Variants in ZZZ3 observed in about 807,000 individuals in gnomAD.
ZZZ3 encodes the protein ZZ-type zinc finger-containing protein 3.
In ZZZ3, 22 loss-of-function variants were observed where a neutral mutation model predicts 95.2. The observed-to-expected ratio is 0.23, with a 90% CI of 0.17 to 0.33. The LOEUF (loss-of-function observed/expected upper bound fraction) is 0.33. Ranked by LOEUF, ZZZ3 falls within the 10% of genes least tolerant of loss-of-function variation. The pLI is 1.00. For missense variants in ZZZ3, 885 were observed against 1,066.5 expected (o/e 0.83, Z 2.37); for synonymous variants, 335 against 358.9 (o/e 0.93, Z 0.75).
chr1:77,613,761 G>A (rs1666038194), intron 5 of ZZZ3, among the ~76,000 whole-genome samples: 1 of 151,986 alleles, frequency 6.6e-6, no homozygotes, highest in South Asian at 2.1e-4. Flanking sequence ...ATTCCTACCT[G>A]ATAAACTAAA....
intron 1 of ZZZ3, among the ~76,000 whole-genome samples, chr1:77,662,467 G>A (rs1343522975): frequency 2.0e-5 from 3 of 151,934 alleles, no homozygotes; most frequent in Admixed American, 6.6e-5. Context: ...TAAACATGAA[G>A]CAAAAAAACT....
intron 1 of ZZZ3, among the ~76,000 whole-genome samples, chr1:77,669,882 T>C (rs557273634): frequency 6.6e-6 from 1 of 152,082 alleles, no homozygotes; most frequent in East Asian, 1.9e-4. Flanking sequence ...TGTAATAGGC[T>C]GAAGGTGGGA....
Position 77,566,075 on chromosome 1 carries a change from A to G in ZZZ3, c.2567+6T>C. On this transcript the variant is annotated splice_donor_region_variant and intron_variant, in intron 14 of 14. Coordinates refer to ENST00000370801, the MANE Select transcript of ZZZ3 (RefSeq NM_015534.6). ...GTTGAAGACTGACAATGAAGAAAAC[A>G]CTTACCAGTCTGAACAAGAATCACA... 6.2e-7 allele frequency: 1 copy of G among 1,606,116 alleles called. No homozygotes were observed. Among genetic ancestry groups the G allele is most frequent in the Non-Finnish European group, 8.5e-7 (1 of 1,174,724 alleles).
At chr1:77,614,131 T>A (rs901470618) in intron 5 of ZZZ3, among the ~76,000 whole-genome samples, 1 of 152,208 alleles carries the variant, frequency 6.6e-6, no homozygotes, top group Non-Finnish European at 1.5e-5. Context: ...ATATGCTTTT[T>A]AAACATATGC....
chr1:77,683,262 C>A (rs1352493133), upstream of ZZZ3: 1 of 150,826 alleles, frequency 6.6e-6, no homozygotes, highest in Admixed American at 6.6e-5. Flanking sequence ...TCTTGCTCAC[C>A]TTTCACGCGG....
chr1:77,624,617 A>G (rs991598410), intron 5 of ZZZ3, among the ~76,000 whole-genome samples: 4 of 152,140 alleles, frequency 2.6e-5, no homozygotes, highest in East Asian at 1.9e-4. Context: ...CCGTACATAC[A>G]TATCTCTTCA....
chr1:77,588,273 T>C (rs1055099695), intron 5 of ZZZ3, among the ~76,000 whole-genome samples: 1 of 152,144 alleles, frequency 6.6e-6, no homozygotes, highest in African/African-American at 2.4e-5. Context: ...AGTACCAACA[T>C]TCTTAATTTT....
chr1:77,572,810 TTTC>T (rs1322457379), intron 12 of ZZZ3, among the ~76,000 whole-genome samples: 2 of 151,562 alleles, frequency 1.3e-5, no homozygotes, highest in African/African-American at 4.9e-5. Flanking sequence ...CTGATAATTT[TTTC>T]TTTTTTCTTT....
intron 5 of ZZZ3, among the ~76,000 whole-genome samples, chr1:77,592,031 G>C (rs559370572): frequency 2.8e-4 from 42 of 152,090 alleles, no homozygotes; most frequent in African/African-American, 9.6e-4. Flanking sequence ...TCCCCATTAA[G>C]CTGGGACCCT....
At chr1:77,670,418 G>A (rs985086960) in intron 1 of ZZZ3, among the ~76,000 whole-genome samples, 5 of 152,000 alleles carry the variant, frequency 3.3e-5, no homozygotes, top group African/African-American at 4.8e-5. Context: ...ACTCCAGCAT[G>A]CCTGGCTAAT....
intron 5 of ZZZ3, among the ~76,000 whole-genome samples, chr1:77,623,546 T>C (rs1406489000): frequency 6.6e-6 from 1 of 152,098 alleles, no homozygotes; most frequent in Non-Finnish European, 1.5e-5. Flanking sequence ...AACCGAGATC[T>C]AGAGAACAGG....
chr1:77,602,675 G>A lies in ZZZ3; in HGVS notation c.1506-18020C>T, dbSNP rs558454088. On this transcript the variant is annotated intron_variant, in intron 5 of 14. Coordinates refer to ENST00000370801, the MANE Select transcript of ZZZ3 (RefSeq NM_015534.6). ...GGCTGAAGTGCAATGGCGTGATCAG[G>A]GCTCACTGCAACATCTGCCTCCTGG... 4.8e-4 allele frequency among the ~76,000 whole-genome samples: 70 copies of A among 144,416 alleles called. 1 individual carries two copies. The highest frequency in any genetic ancestry group is 1.7e-3 in the African/African-American group (69 of 39,652). 94.7% of individuals were successfully genotyped at this position (144,416 alleles called of 152,430 possible).
intron 1 of ZZZ3, among the ~76,000 whole-genome samples, chr1:77,655,371 C>T (rs1670177008): frequency 6.6e-6 from 1 of 152,240 alleles, no homozygotes; most frequent in Non-Finnish European, 1.5e-5. Context: ...TTTTTAAGAT[C>T]AAAATTAATT....
At chr1:77,649,568 T>C (rs1669613389) in intron 1 of ZZZ3, among the ~76,000 whole-genome samples, 3 of 151,918 alleles carry the variant, frequency 2.0e-5, no homozygotes, top group Admixed American at 2.0e-4. Context: ...CCAGAAATGG[T>C]AAATATGAAG....
intron 1 of ZZZ3, among the ~76,000 whole-genome samples, chr1:77,655,261 G>A (rs1292045766): frequency 6.6e-6 from 1 of 152,132 alleles, no homozygotes; most frequent in African/African-American, 2.4e-5. Flanking sequence ...CCACACTGGG[G>A]ATTAAGTTTC....
At chr1:77,591,783 C>A (rs1663720636) in intron 5 of ZZZ3, among the ~76,000 whole-genome samples, 1 of 151,960 alleles carries the variant, frequency 6.6e-6, no homozygotes, top group Non-Finnish European at 1.5e-5. Flanking sequence ...TAAGTAAAAC[C>A]CTGAATTTAA....
intron 5 of ZZZ3, 98 bp downstream of exon 5, chr1:77,631,751 CA>C (rs1353246747): frequency 3.0e-6 from 3 of 998,030 alleles, no homozygotes; most frequent in Non-Finnish European, 4.3e-6. Flanking sequence ...TTAGTGAAAA[CA>C]TTAATTTTGG....
At chr1:77,567,818 A>C (rs1208896190) in intron 13 of ZZZ3, among the ~76,000 whole-genome samples, 1 of 152,148 alleles carries the variant, frequency 6.6e-6, no homozygotes, top group African/African-American at 2.4e-5. Context: ...CCCATTTCTG[A>C]CCCATGAACA....
intron 5 of ZZZ3, among the ~76,000 whole-genome samples, chr1:77,592,451 A>G (rs1663801309): frequency 6.6e-6 from 1 of 152,070 alleles, no homozygotes; most frequent in Admixed American, 6.5e-5. Context: ...ACAGGTGCAC[A>G]CCACCACGCC....
Sources: gnomAD v4.1 joint callset for allele counts (sites outside exome capture counted in the v4.1 genomes callset) on GRCh38, gnomAD v4.1.1 for gene constraint, MANE v1.5 for transcripts, NCBI Gene and HGNC (gene_info 2026-07-23, HGNC 2026-07-21) for gene names.